Variants in EEIG1 observed in about 807,000 individuals in gnomAD.
EEIG1 encodes the protein estrogen-induced osteoclastogenesis regulator 1.
At chr9:127,951,544 G>A in the EEIG1 span, among the ~76,000 whole-genome samples, 4 of 152,098 alleles carry the variant, frequency 2.6e-5, no homozygotes, top group South Asian at 2.1e-4. Context: ...GAGGCCGGGC[G>A]CGGTGGCACG....
At chr9:127,961,030 C>T in the EEIG1 span, among the ~76,000 whole-genome samples, 8 of 152,236 alleles carry the variant, frequency 5.3e-5, no homozygotes, top group East Asian at 3.9e-4. Context: ...CTACTGTGTG[C>T]GGCCCAGAAC....
At chr9:127,943,769 G>A in the EEIG1 span, 1 of 156,958 alleles carries the variant, frequency 6.4e-6, no homozygotes, top group African/African-American at 2.4e-5. Context: ...CCATAAGGAA[G>A]CCAGCCCCTC....
chr9:127,952,907 G>A, the EEIG1 span, among the ~76,000 whole-genome samples: 2 of 152,180 alleles, frequency 1.3e-5, no homozygotes, highest in Admixed American at 6.5e-5. Flanking sequence ...AGTAGAGACG[G>A]GGTTTTGTCG....
chr9:127,968,848 T>C, the EEIG1 span, among the ~76,000 whole-genome samples: 1 of 152,212 alleles, frequency 6.6e-6, no homozygotes, highest in Non-Finnish European at 1.5e-5. Flanking sequence ...AGCATCAGGC[T>C]GGAGTGTGAG....
the EEIG1 span, among the ~76,000 whole-genome samples, chr9:127,946,280 G>A: frequency 2.0e-5 from 3 of 152,220 alleles, no homozygotes; most frequent in Non-Finnish European, 2.9e-5. Flanking sequence ...GAGGGCGAGC[G>A]GTCTGGCCCA....
the EEIG1 span, among the ~76,000 whole-genome samples, chr9:127,978,609 C>T: frequency 8.1e-6 from 1 of 124,080 alleles, no homozygotes; most frequent in African/African-American, 3.0e-5. Flanking sequence ...GGGCGGGGTG[C>T]GGGGTGGATC....
At chr9:127,943,225 C>T in the EEIG1 span, 2 of 1,614,124 alleles carry the variant, frequency 1.2e-6, no homozygotes, top group East Asian at 2.2e-5. Flanking sequence ...GCTCGTAGAC[C>T]CCAGAAGAGA....
At chr9:127,966,299 A>G in the EEIG1 span, among the ~76,000 whole-genome samples, 51 of 152,128 alleles carry the variant, frequency 3.4e-4, 1 homozygote, top group African/African-American at 1.2e-3. Context: ...CAACCTTGAG[A>G]CTGATCTTCA....
the EEIG1 span, chr9:127,980,298 G>C: frequency 1.7e-5 from 12 of 706,742 alleles, no homozygotes; most frequent in Admixed American, 1.5e-4. Context: ...CCAGGTCTGA[G>C]AGATCCACCA....
At chr9:127,950,233 G>A in the EEIG1 span, among the ~76,000 whole-genome samples, 1 of 152,206 alleles carries the variant, frequency 6.6e-6, no homozygotes, top group Admixed American at 6.5e-5. Flanking sequence ...TGGGGAAACT[G>A]AGGCCAACAG....
the EEIG1 span, chr9:127,980,161 C>A: frequency 1.2e-5 from 19 of 1,602,806 alleles, no homozygotes; most frequent in Admixed American, 1.0e-4. Context: ...GAGTCTGAAG[C>A]CCCGAAGGCG....
At chr9:127,954,750 T>C in the EEIG1 span, among the ~76,000 whole-genome samples, 1 of 152,158 alleles carries the variant, frequency 6.6e-6, no homozygotes, top group Non-Finnish European at 1.5e-5. Context: ...AGTTGGACTC[T>C]GGGTGCGGAG....
chr9:127,945,841 C>A, the EEIG1 span: 1 of 871,992 alleles, frequency 1.1e-6, no homozygotes, highest in Non-Finnish European at 1.8e-6. The surrounding 1 kb of genome is among the most constrained non-coding windows in gnomAD (Gnocchi z 6.5). Flanking sequence ...CCTCACAGAG[C>A]CTCCCATGGC....
the EEIG1 span, among the ~76,000 whole-genome samples, chr9:127,969,797 C>T: frequency 5.9e-5 from 9 of 152,234 alleles, no homozygotes; most frequent in Non-Finnish European, 1.2e-4. Context: ...GGCTGCCTTA[C>T]CAGAAAGACC....
At chr9:127,965,034 G>A in the EEIG1 span, among the ~76,000 whole-genome samples, 63 of 142,580 alleles carry the variant, frequency 4.4e-4, no homozygotes, top group African/African-American at 1.5e-3. Context: ...TCTTGAACCC[G>A]GGAGGCGGAG....
At chr9:127,942,889 G>A in the EEIG1 span, 2 of 464,478 alleles carry the variant, frequency 4.3e-6, no homozygotes, top group East Asian at 8.0e-5. Context: ...AGCAGCGCCG[G>A]TCCTTGCCAG....
At chr9:127,948,100 G>C in the EEIG1 span, 42 of 1,612,788 alleles carry the variant, frequency 2.6e-5, no homozygotes, top group East Asian at 6.2e-4. Context: ...CCGAGCCTTG[G>C]GGGGCCGGGA....
At chr9:127,944,294 G>A in the EEIG1 span, 2 of 455,278 alleles carry the variant, frequency 4.4e-6, no homozygotes, top group South Asian at 2.9e-5. Context: ...GGAGGAAGTA[G>A]AAGGGAGGGT....
the EEIG1 span, among the ~76,000 whole-genome samples, chr9:127,971,353 C>T: frequency 1.3e-5 from 2 of 152,132 alleles, no homozygotes; most frequent in Non-Finnish European, 2.9e-5. Flanking sequence ...CCAGCCCCCT[C>T]CTCCTTTCCA....
Sources: gnomAD v4.1 joint callset for allele counts (sites outside exome capture counted in the v4.1 genomes callset) on GRCh38, gnomAD v4.1.1 for gene constraint, Gnocchi (gnomAD v3.1) non-coding constraint, MANE v1.5 for transcripts, NCBI Gene and HGNC (gene_info 2026-07-23, HGNC 2026-07-21) for gene names.